SUGCT: variants seen among roughly 807,000 people sequenced by gnomAD.
The protein encoded by SUGCT is succinyl-CoA:glutarate-CoA transferase.
A neutral mutation model predicts 55.0 loss-of-function variants in SUGCT; 41 were observed. The ratio of observed to expected loss-of-function variants is 0.74; its 90% CI spans 0.58 to 0.97. SUGCT has a LOEUF of 0.97. Among genes scored for constraint, SUGCT ranks in the 50% least tolerant of loss-of-function variants. The pLI is 0.00. For synonymous variants in SUGCT, 187 were observed against 200.4 expected, an observed-to-expected ratio of 0.93 and a Z score of 0.56; for missense variants, 568 against 547.8, an observed-to-expected ratio of 1.04 and a Z score of -0.37.
At chr7:40,768,705 A>G (rs929195744) in intron 13 of SUGCT, among the ~76,000 whole-genome samples, 1 of 152,246 alleles carries the variant, frequency 6.6e-6, no homozygotes, top group Non-Finnish European at 1.5e-5. Context: ...TGTGTTTGCC[A>G]TATTGCAATC....
intron 9 of SUGCT, among the ~76,000 whole-genome samples, chr7:40,387,202 TGAA>T (rs1334684939): frequency 6.6e-6 from 1 of 152,198 alleles, no homozygotes; most frequent in African/African-American, 2.4e-5. Context: ...AATAAAACTA[TGAA>T]GCTCATTAAC....
the SUGCT span, among the ~76,000 whole-genome samples, chr7:40,959,622 T>C: frequency 6.6e-6 from 1 of 151,998 alleles, no homozygotes; most frequent in African/African-American, 2.4e-5. Flanking sequence ...TGGGATCTCC[T>C]GAGCAAGACC....
At chr7:40,146,820 A>G (rs1788272146) in intron 1 of SUGCT, among the ~76,000 whole-genome samples, 1 of 152,216 alleles carries the variant, frequency 6.6e-6, no homozygotes, top group Non-Finnish European at 1.5e-5. Flanking sequence ...CCTGTTCCCA[A>G]CAGACAACAA....
At chr7:40,315,471 T>C (rs1014796585) in intron 8 of SUGCT, among the ~76,000 whole-genome samples, 2 of 152,242 alleles carry the variant, frequency 1.3e-5, no homozygotes, top group African/African-American at 4.8e-5. Context: ...CCACCTGGGC[T>C]GTACAGCCAA....
At chr7:40,135,922 G>A (rs1326237199) in intron 1 of SUGCT, among the ~76,000 whole-genome samples, 2 of 151,634 alleles carry the variant, frequency 1.3e-5, no homozygotes, top group Admixed American at 6.6e-5. Context: ...CTCCCAAAGT[G>A]TTGAGATTAC....
chr7:40,949,503 C>T, the SUGCT span, among the ~76,000 whole-genome samples: 50,795 of 151,856 alleles, frequency 0.33, 9,230 homozygotes, highest in Admixed American at 0.45. Flanking sequence ...CCATTGCTTT[C>T]GGTGTTTTAG....
intron 12 of SUGCT, among the ~76,000 whole-genome samples, chr7:40,505,670 AAC>A (rs1197358190): frequency 6.6e-6 from 1 of 152,086 alleles, no homozygotes; most frequent in African/African-American, 2.4e-5. Context: ...ATACATATGA[AAC>A]ACATCTATGT....
intron 7 of SUGCT, among the ~76,000 whole-genome samples, chr7:40,250,543 C>A (rs1393505165): frequency 6.6e-6 from 1 of 151,986 alleles, no homozygotes; most frequent in East Asian, 1.9e-4. Context: ...TGGTAAGCAT[C>A]AATGTTGACA....
chr7:40,901,418 C>T, the SUGCT span, among the ~76,000 whole-genome samples: 620 of 152,288 alleles, frequency 4.1e-3, 44 homozygotes, highest in South Asian at 0.12. Flanking sequence ...ATCTATCTCA[C>T]GAGAATAACC....
chr7:40,464,458 A>T (rs1286680097), intron 11 of SUGCT, among the ~76,000 whole-genome samples: 1 of 152,214 alleles, frequency 6.6e-6, no homozygotes, highest in East Asian at 1.9e-4. Flanking sequence ...AGGGACAAAC[A>T]GAATTAGGCA....
chr7:40,908,879 T>C, the SUGCT span, among the ~76,000 whole-genome samples: 2 of 152,234 alleles, frequency 1.3e-5, no homozygotes, highest in African/African-American at 2.4e-5. Flanking sequence ...TATTGAGTTC[T>C]ACATGTGTAC....
intron 9 of SUGCT, among the ~76,000 whole-genome samples, chr7:40,324,251 A>ATATATATATATAT (rs57798993): frequency 8.7e-6 from 1 of 114,452 alleles, no homozygotes; most frequent in Non-Finnish European, 1.8e-5. Context: ...ATAAATAAAT[A>ATATATATATATAT]AATATATATA....
intron 12 of SUGCT, among the ~76,000 whole-genome samples, chr7:40,693,103 A>G (rs80129575): frequency 2.1e-3 from 318 of 152,300 alleles, no homozygotes; most frequent in East Asian, 0.014. Flanking sequence ...TCTCCGCCCT[A>G]GTAGCCATTG....
At chr7:40,559,704 T>C (rs530133534) in intron 12 of SUGCT, among the ~76,000 whole-genome samples, 2 of 152,360 alleles carry the variant, frequency 1.3e-5, no homozygotes, top group South Asian at 2.1e-4. Flanking sequence ...TTGGTTTTCA[T>C]CTGGGAAGCC....
At chr7:40,929,709 TA>T in the SUGCT span, among the ~76,000 whole-genome samples, 1 of 152,244 alleles carries the variant, frequency 6.6e-6, no homozygotes, top group Non-Finnish European at 1.5e-5. Context: ...CTTGGCTGCA[TA>T]AATGTCTTCT....
chr7:41,000,051 T>C, the SUGCT span, among the ~76,000 whole-genome samples: 1 of 152,160 alleles, frequency 6.6e-6, no homozygotes, highest in African/African-American at 2.4e-5. Context: ...CAGAACAAGA[T>C]GGGAGTGTTT....
At position 40,341,198 on chromosome 7, in the gene SUGCT, A is replaced by G. The variant is rs189199989; in HGVS notation, c.816+24343A>G. ...TCATTCATATTAGTAAACTCCAGAA[A>G]TTGTAGGATCATTGACCATTTTGTA... is the stretch of plus-strand genomic sequence containing the variant. On this transcript the variant is annotated intron_variant, in intron 9 of 13. Coordinates refer to ENST00000335693, the MANE Select transcript of SUGCT (RefSeq NM_001193313.2). 3.9e-5 allele frequency among the ~76,000 whole-genome samples: 6 copies of G among 152,330 alleles called. No homozygotes were observed. In the East Asian group the frequency reaches 1.2e-3, roughly 29 times the overall value.
intron 12 of SUGCT, among the ~76,000 whole-genome samples, chr7:40,619,492 G>A (rs149669423): frequency 0.012 from 1,751 of 152,118 alleles, 32 homozygotes; most frequent in African/African-American, 0.037. Flanking sequence ...TCTAAATGAA[G>A]CAAATAATTT....
chr7:40,302,557 A>C (rs1304532798), intron 8 of SUGCT, among the ~76,000 whole-genome samples: 1 of 152,160 alleles, frequency 6.6e-6, no homozygotes, highest in East Asian at 1.9e-4. Flanking sequence ...TGAATTTCTC[A>C]GCAGGACCTC....
Sources: gnomAD v4.1 joint callset for allele counts (sites outside exome capture counted in the v4.1 genomes callset) on GRCh38, gnomAD v4.1.1 for gene constraint, MANE v1.5 for transcripts, NCBI Gene and HGNC (gene_info 2026-07-23, HGNC 2026-07-21) for gene names.